Variants in CERT1 observed in about 807,000 individuals in gnomAD.
The protein encoded by CERT1 is ceramide transfer protein.
In CERT1, 31 loss-of-function variants were observed where a neutral mutation model predicts 87.9. That is an observed-to-expected ratio of 0.35 (90% confidence interval 0.27 to 0.48). The LOEUF (loss-of-function observed/expected upper bound fraction) is 0.48. CERT1 is among the 20% of genes least tolerant of loss of function. The pLI is 0.99. For missense variants in CERT1, 487 were observed against 758.0 expected (o/e 0.64, Z 4.20); for synonymous variants, 289 against 250.9 (o/e 1.15, Z -1.44).
chr5:75,408,780 A>G (rs1450918558), intron 8 of CERT1, among the ~76,000 whole-genome samples: 5 of 152,270 alleles, frequency 3.3e-5, no homozygotes, highest in Admixed American at 2.6e-4. Context: ...GTAAAATAAA[A>G]TAAAAAAAAA....
chr5:75,447,968 TA>T (rs1315376070), intron 3 of CERT1, among the ~76,000 whole-genome samples: 1 of 152,140 alleles, frequency 6.6e-6, no homozygotes, highest in East Asian at 1.9e-4. Flanking sequence ...AATTAACAAA[TA>T]TTACTTTAAA....
chr5:75,382,174 C>G (rs1761615940), intron 14 of CERT1, 97 bp from the exon 15 acceptor site: 5 of 1,164,776 alleles, frequency 4.3e-6, no homozygotes, highest in Non-Finnish European at 6.0e-6. Flanking sequence ...GGTAAAATCT[C>G]TCAAATTTTA....
intron 15 of CERT1, among the ~76,000 whole-genome samples, chr5:75,381,595 A>C (rs145148021): frequency 1.0e-3 from 157 of 152,210 alleles, no homozygotes; most frequent in African/African-American, 3.5e-3. Flanking sequence ...CTTCCTCTTA[A>C]GTAGTAAATG....
intron 2 of CERT1, among the ~76,000 whole-genome samples, chr5:75,474,094 T>TAA (rs1256901951): frequency 6.6e-6 from 1 of 152,170 alleles, no homozygotes. Context: ...AATCAACTCA[T>TAA]AACTTAAAAA....
At chr5:75,370,571 C>T (rs954705594) in intron 17 of CERT1, 9 of 152,002 alleles carry the variant, frequency 5.9e-5, no homozygotes, top group Admixed American at 2.0e-4. Flanking sequence ...CCATTACACA[C>T]GTATGTGTAA....
intron 3 of CERT1, among the ~76,000 whole-genome samples, chr5:75,442,597 T>C (rs1202275821): frequency 6.6e-6 from 1 of 152,192 alleles, no homozygotes; most frequent in East Asian, 1.9e-4. Context: ...TTTTAGGGCA[T>C]AAAATTTTTC....
intron 5 of CERT1, among the ~76,000 whole-genome samples, chr5:75,420,040 G>A (rs1763304665): frequency 6.6e-6 from 1 of 150,886 alleles, no homozygotes; most frequent in Admixed American, 6.6e-5. Context: ...GCAATGGCAT[G>A]GTCTCGGCTC....
Position 75,419,391 on chromosome 5 carries a change from G to A in CERT1, c.629C>T (p.Thr210Met), listed in dbSNP as rs141293652. 204 of 1,612,654 alleles carry A rather than the reference G, an allele frequency of 1.3e-4. 1 individual carries two copies. In the African/African-American group the frequency reaches 2.1e-3, roughly 17 times the overall value. Residue 210 changes from threonine to methionine, a missense_variant, in exon 6 of 17, where the codon ACG becomes ATG. By Grantham distance (81) the Thr-to-Met change is moderately conservative. Around this residue, in one of 8 missense-constraint regions of CERT1, gnomAD observed 173 missense variants for 302.2 expected, o/e 0.57. Transcript: ENST00000643780. ...VEDDEDDFPT[T>M]RSDGDFLHST... ...ATGCAAGAAGTCACCATCAGAACGC[G>A]TTGTAGGAAAGTCATCTTCATCATC...
intron 3 of CERT1, among the ~76,000 whole-genome samples, chr5:75,450,537 C>T (rs767228691): frequency 5.3e-5 from 8 of 152,158 alleles, no homozygotes; most frequent in Admixed American, 1.3e-4. Flanking sequence ...GAACCTTTCC[C>T]GATCCAGGTC....
intron 7 of CERT1, among the ~76,000 whole-genome samples, chr5:75,414,504 T>A (rs1188656278): frequency 6.6e-6 from 1 of 152,198 alleles, no homozygotes; most frequent in African/African-American, 2.4e-5. Context: ...CCTGTGAATC[T>A]AATAATGTAA....
At chr5:75,455,157 C>T (rs1163225871) in intron 3 of CERT1, among the ~76,000 whole-genome samples, 1 of 152,124 alleles carries the variant, frequency 6.6e-6, no homozygotes, top group African/African-American at 2.4e-5. Flanking sequence ...CAGAAAGGGC[C>T]CAATTCTTCT....
intron 17 of CERT1, chr5:75,370,061 AAAG>A (rs1378864279): frequency 2.0e-5 from 3 of 152,216 alleles, no homozygotes; most frequent in African/African-American, 7.2e-5. Flanking sequence ...AGTCAAGTCT[AAAG>A]AAAAACTGCA....
intron 2 of CERT1, among the ~76,000 whole-genome samples, chr5:75,503,842 T>TAATTTAAATTAAACATTTAAATTAAA (rs1767502844): frequency 2.3e-5 from 2 of 85,162 alleles, no homozygotes; most frequent in Admixed American, 1.1e-4. Context: ...TTTAAATTTT[T>TAATTTAAATTAAACATTTAAATTAAA]TGTTTAATTT....
intron 6 of CERT1, among the ~76,000 whole-genome samples, chr5:75,418,079 C>A (rs950772389): frequency 3.3e-5 from 5 of 152,156 alleles, no homozygotes. Flanking sequence ...TCACTTGAAA[C>A]CGGGAGGTGG....
At chr5:75,439,590 C>G (rs1764234712) in intron 3 of CERT1, among the ~76,000 whole-genome samples, 1 of 151,916 alleles carries the variant, frequency 6.6e-6, no homozygotes, top group African/African-American at 2.4e-5. Context: ...TGAGAAAATA[C>G]AAGATTAAAT....
intron 9 of CERT1, chr5:75,400,830 C>T (rs1014426794): frequency 6.6e-6 from 1 of 152,228 alleles, no homozygotes; most frequent in Non-Finnish European, 1.5e-5. Context: ...TAAGCTGCCA[C>T]TTGCCCTTCT....
chr5:75,509,304 A>G (rs1767804476), intron 1 of CERT1, among the ~76,000 whole-genome samples: 1 of 152,218 alleles, frequency 6.6e-6, no homozygotes, highest in Admixed American at 6.5e-5. Context: ...TTTACATTTA[A>G]AAACATCTAC....
intron 2 of CERT1, among the ~76,000 whole-genome samples, chr5:75,484,980 C>A (rs943884777): frequency 2.4e-4 from 37 of 152,142 alleles, no homozygotes; most frequent in Middle Eastern, 3.4e-3. Context: ...CAAAATAAAT[C>A]AAAAAATTCA....
intron 8 of CERT1, among the ~76,000 whole-genome samples, chr5:75,408,524 TCACAAA>T (rs1255094491): frequency 2.0e-5 from 3 of 152,016 alleles, no homozygotes; most frequent in African/African-American, 7.3e-5. Context: ...ACAAATTAAC[TCACAAA>T]CAGAAAGTCA....
Sources: gnomAD v4.1 joint callset for allele counts (sites outside exome capture counted in the v4.1 genomes callset) on GRCh38, gnomAD v4.1.1 for gene constraint, gnomAD v4.1.1 regional missense constraint, MANE v1.5 for transcripts, NCBI Gene and HGNC (gene_info 2026-07-23, HGNC 2026-07-21) for gene names.